GNAL: variants seen among roughly 807,000 people sequenced by gnomAD.
GNAL encodes G protein subunit alpha L.
In GNAL, 18 loss-of-function variants were observed where a neutral mutation model predicts 55.1. The ratio of observed to expected loss-of-function variants is 0.33; its 90% CI spans 0.23 to 0.48. The LOEUF is 0.48. Ranked by LOEUF, GNAL falls within the 20% of genes least tolerant of loss-of-function variation. GNAL has a pLI of 0.99. For synonymous variants in GNAL, 253 were observed against 237.0 expected, an observed-to-expected ratio of 1.07 and a Z score of -0.62; for missense variants, 412 against 614.1, an observed-to-expected ratio of 0.67 and a Z score of 3.48.
chr18:11,884,844 A>G lies in GNAL; in HGVS notation c.*3709A>G. ...CAGCAGGAGAGACAAGTAAGGCCCA[A>G]GTGTGCCTGAGTGGAAAATGTCTGG... On this transcript the variant is annotated 3_prime_UTR_variant, in exon 12 of 12. Transcript: ENST00000334049. 7.3e-7 allele frequency: 1 copy of G among 1,376,892 alleles called. No homozygotes were observed. Among genetic ancestry groups the G allele is most frequent in the East Asian group, 2.9e-5 (1 of 34,916 alleles). The allele number at this position is 1,376,892 out of a possible 1,614,324, so 85.3% of individuals were successfully genotyped here. A position where few individuals can be genotyped will look rare whatever the true frequency, so the allele number is the denominator to read the frequency against.
chr18:11,704,425 C>T (rs2031656095), intron 1 of GNAL, among the ~76,000 whole-genome samples: 1 of 152,192 alleles, frequency 6.6e-6, no homozygotes, highest in African/African-American at 2.4e-5. Context: ...AACTAATGGC[C>T]CAGGGTCTTC....
chr18:11,745,868 G>T, intron 1 of GNAL: 1 of 174,618 alleles, frequency 5.7e-6, no homozygotes. Flanking sequence ...TTGAACACCA[G>T]ACCAACGTGA....
chr18:11,774,513 G>A (rs1445809679), intron 4 of GNAL, among the ~76,000 whole-genome samples: 1 of 152,168 alleles, frequency 6.6e-6, no homozygotes, highest in Non-Finnish European at 1.5e-5. Context: ...TGAAAATGGC[G>A]ACCACTGCTT....
chr18:11,709,979 A>C (rs957700599), intron 1 of GNAL, among the ~76,000 whole-genome samples: 1 of 152,156 alleles, frequency 6.6e-6, no homozygotes, highest in Non-Finnish European at 1.5e-5. Flanking sequence ...AATTTCTTCT[A>C]TACCTAGTTT....
At chr18:11,785,098 G>A (rs763943163) in intron 4 of GNAL, among the ~76,000 whole-genome samples, 31 of 152,118 alleles carry the variant, frequency 2.0e-4, no homozygotes, top group Non-Finnish European at 3.5e-4. Context: ...CTCAGTTTTC[G>A]TCCCCTCTCA....
intron 9 of GNAL, among the ~76,000 whole-genome samples, chr18:11,870,377 C>T (rs1319738332): frequency 6.6e-6 from 1 of 151,948 alleles, no homozygotes; most frequent in Non-Finnish European, 1.5e-5. Flanking sequence ...AAAAATTAGC[C>T]AGGAGTGGTG....
intron 1 of GNAL, among the ~76,000 whole-genome samples, chr18:11,725,501 G>C (rs982756698): frequency 2.0e-5 from 3 of 150,672 alleles, no homozygotes; most frequent in African/African-American, 7.5e-5. Context: ...TCTAGTAAAC[G>C]AATATATCAT....
intron 4 of GNAL, among the ~76,000 whole-genome samples, chr18:11,772,288 G>A (rs2033659186): frequency 6.6e-6 from 1 of 152,196 alleles, no homozygotes; most frequent in South Asian, 2.1e-4. Flanking sequence ...AATTGTCCTA[G>A]TTGATTTTAT....
intron 1 of GNAL, among the ~76,000 whole-genome samples, chr18:11,741,936 G>A (rs149926435): frequency 2.0e-5 from 3 of 152,042 alleles, no homozygotes; most frequent in East Asian, 1.9e-4. Context: ...AAGTACATTC[G>A]CATCATTGTG....
chr18:11,813,388 A>G (rs2034872209), intron 4 of GNAL, among the ~76,000 whole-genome samples: 2 of 152,196 alleles, frequency 1.3e-5, no homozygotes, highest in African/African-American at 2.4e-5. Flanking sequence ...CCCAATCAAA[A>G]TACCAACAGG....
At chr18:11,742,451 A>G (rs994704837) in intron 1 of GNAL, among the ~76,000 whole-genome samples, 3 of 152,234 alleles carry the variant, frequency 2.0e-5, no homozygotes, top group Admixed American at 6.5e-5. Flanking sequence ...ACCCTCACCC[A>G]TGCACTGAGA....
intron 1 of GNAL, among the ~76,000 whole-genome samples, chr18:11,732,955 G>A (rs1043131080): frequency 7.9e-5 from 12 of 152,220 alleles, no homozygotes; most frequent in African/African-American, 2.9e-4. Flanking sequence ...ATGTATTCAT[G>A]AAGTAAGAGC....
intron 5 of GNAL, among the ~76,000 whole-genome samples, chr18:11,861,837 G>A (rs540381201): frequency 4.6e-5 from 7 of 152,218 alleles, no homozygotes; most frequent in East Asian, 3.9e-4. Flanking sequence ...GCACACTCAC[G>A]TTCTCGCTCT....
rs149334585 is a variant in GNAL at position 11,717,065 on chromosome 18, G to A, written c.376+27126G>A. On this transcript the variant is annotated intron_variant, in intron 1 of 11. Coordinates refer to ENST00000334049, the MANE Select transcript of GNAL (RefSeq NM_182978.4). The stretch of plus-strand genomic sequence containing the variant: ...AGGGTGGGGGAGGCTCACGCATGGC[G>A]GGCTGCAGGTCCCCAGCCCTGCCAC... Among the ~76,000 whole-genome samples the A allele has an allele frequency of 2.3e-3, 347 of 152,356 alleles. 1 individual carries two copies. Among genetic ancestry groups the A allele is most frequent in the African/African-American group, 8.1e-3 (335 of 41,584 alleles).
Position 11,751,390 on chromosome 18 carries a change from C to T in GNAL, c.377-1463C>T, listed in dbSNP as rs2032821373. On this transcript the variant is annotated intron_variant, in intron 1 of 11. Coordinates refer to ENST00000334049, the MANE Select transcript of GNAL (RefSeq NM_182978.4). This position sits in a 1 kb window ranked among gnomAD's most constrained non-coding sequence, Gnocchi z 4.5. ...GCCTTCTGGAAGAGTTGTTGTGCTG[C>T]TTGGGAGCACTGCACAGGAGAAACG... 1 of 441,592 alleles carries T rather than the reference C, an allele frequency of 2.3e-6. No homozygotes were observed. The highest frequency in any genetic ancestry group is 3.0e-6 in the Non-Finnish European group (1 of 332,584). 27.4% of individuals were successfully genotyped at this position (441,592 alleles called of 1,614,324 possible).
rs536664934 is a variant in GNAL, at chr18:11,880,211, G to C, written c.1231-778G>C. Reference sequence around the variant, plus strand: ...GGCAGAGGTTGCAGTGAGCCGAGATGGCACCACTGCACTCCAGCCTGGGGG... The same window carrying C: ...GGCAGAGGTTGCAGTGAGCCGAGATCGCACCACTGCACTCCAGCCTGGGGG... On this transcript the variant is annotated intron_variant, in intron 11 of 11. Transcript: ENST00000334049. Among the ~76,000 whole-genome samples the C allele has an allele frequency of 2.9e-4, 43 of 149,054 alleles. 3 individuals carry two copies. The highest frequency in any genetic ancestry group is 2.3e-3 in the Admixed American group (35 of 14,914).
Position 11,751,216 on chromosome 18 carries a change from T to A in GNAL, c.377-1637T>A, listed in dbSNP as rs934471683. On this transcript the variant is annotated intron_variant, in intron 1 of 11. Coordinates refer to ENST00000334049, the MANE Select transcript of GNAL (RefSeq NM_182978.4). This position sits in a 1 kb window ranked among gnomAD's most constrained non-coding sequence, Gnocchi z 4.5. ...TGTCCACGACTTCGGCCCGGCCCCC[T>A]CTTCTGACCTCCTTCCCCCAAGTAC... Among the ~76,000 whole-genome samples the A allele has an allele frequency of 4.0e-5, 6 of 151,760 alleles. No individual in the cohort carries two copies. The highest frequency in any genetic ancestry group is 1.9e-4 in the East Asian group (1 of 5,140).
At chr18:11,701,059 G>A (rs954575463) in intron 1 of GNAL, among the ~76,000 whole-genome samples, 2 of 152,192 alleles carry the variant, frequency 1.3e-5, no homozygotes, top group Admixed American at 6.5e-5. Context: ...CTCAGCCCTG[G>A]AAAAGTTCAC....
intron 1 of GNAL, among the ~76,000 whole-genome samples, chr18:11,718,772 A>G (rs936982708): frequency 6.6e-6 from 1 of 152,150 alleles, no homozygotes; most frequent in Non-Finnish European, 1.5e-5. Context: ...GCACTGTACT[A>G]AGATGATGAT....
Sources: allele counts gnomAD v4.1 joint callset (sites outside exome capture counted in the v4.1 genomes callset), GRCh38; gene constraint gnomAD v4.1.1; non-coding constraint Gnocchi (gnomAD v3.1); transcripts MANE v1.5; gene names NCBI Gene and HGNC (gene_info 2026-07-23, HGNC 2026-07-21).